The following RRBP1 variants were observed in gnomAD, a reference collection of about 807,000 sequenced individuals.
RRBP1 encodes the protein ribosome-binding protein 1.
A neutral mutation model predicts 165.2 loss-of-function variants in RRBP1; 94 were observed. The ratio of observed to expected loss-of-function variants is 0.57; its 90% CI spans 0.48 to 0.68. The LOEUF (loss-of-function observed/expected upper bound fraction) is 0.68. Ranked by LOEUF, RRBP1 falls within the 30% of genes least tolerant of loss-of-function variation. The pLI, the probability that RRBP1 is intolerant of heterozygous loss-of-function variation, is 0.00. For missense variants in RRBP1, 1,676 were observed against 1,763.0 expected (o/e 0.95, Z 0.88); for synonymous variants, 680 against 714.5 (o/e 0.95, Z 0.77).
At chr20:17,641,687 C>T (rs149853046) in intron 5 of RRBP1, 110 bp downstream of exon 5, 20 of 1,341,990 alleles carry the variant, frequency 1.5e-5, no homozygotes, top group African/African-American at 2.9e-5. Flanking sequence ...CAGCCAGCTA[C>T]GTTCCAGGCA....
In RRBP1 at chr20:17,627,353, C is replaced by G; in HGVS notation, c.2958G>C (p.Gln986His). 6.2e-7 allele frequency: 1 copy of G among 1,613,562 alleles called. No homozygotes were observed. Among genetic ancestry groups the G allele is most frequent in the African/African-American group, 1.3e-5 (1 of 75,040 alleles). The change falls in exon 11 of 25, where the codon CAG becomes CAC. Residue 986 changes from glutamine (Q) to histidine (H), a missense_variant. Coordinates refer to ENST00000377813, the MANE Select transcript of RRBP1 (RefSeq NM_001365613.2). Reference sequence around the variant, plus strand: ...AGGCTGCTTCCCCAGCTTACCGAGTCTGCTGCTGGTCAGCCTCCGCCTGGC... The same window carrying G: ...AGGCTGCTTCCCCAGCTTACCGAGTGTGCTGCTGGTCAGCCTCCGCCTGGC... ...QASQAEADQQ[Q>H]TRLKELESQV...
chr20:17,679,550 G>A (rs1056203321), intron 2 of RRBP1, among the ~76,000 whole-genome samples: 1 of 152,220 alleles, frequency 6.6e-6, no homozygotes, highest in African/African-American at 2.4e-5. Flanking sequence ...GACAAGAAGA[G>A]TCTGGGGTCC....
At chr20:17,614,649 C>CG in intron 24 of RRBP1, 88 bp downstream of exon 24, 1 of 1,535,468 alleles carries the variant, frequency 6.5e-7, no homozygotes, top group African/African-American at 1.4e-5. Context: ...CTTGACGACT[C>CG]CGCCCAGCTC....
intron 2 of RRBP1, among the ~76,000 whole-genome samples, chr20:17,678,797 AC>A (rs1402877948): frequency 6.6e-6 from 1 of 152,220 alleles, no homozygotes; most frequent in Non-Finnish European, 1.5e-5. Context: ...ACTGTATTGG[AC>A]AACACAGTTC....
Position 17,616,136 on chromosome 20 carries a change from C to T in RRBP1, c.3868-127G>A, listed in dbSNP as rs541971133. On this transcript the variant is annotated intron_variant, in intron 21 of 24. Transcript: ENST00000377813. ...CCTTTCCCTGCCCCAACGCTCCCCT[C>T]GTTGGGGAGAGGGCACCTCAGCCCC... The T allele has an allele frequency of 5.4e-4, 413 of 767,040 alleles. 2 individuals carry two copies. Among genetic ancestry groups the T allele is most frequent in the Non-Finnish European group, 8.0e-4 (390 of 484,812 alleles). 47.5% of individuals were successfully genotyped at this position (767,040 alleles called of 1,614,324 possible).
chr20:17,662,013 A>G (rs1272659455), intron 2 of RRBP1, among the ~76,000 whole-genome samples: 1 of 152,224 alleles, frequency 6.6e-6, no homozygotes, highest in African/African-American at 2.4e-5. Context: ...CTGTAATCCC[A>G]GCACTTTGGG....
At chr20:17,619,853 GC>G (rs1568753063) in intron 18 of RRBP1, 125 bp from the exon 19 acceptor site, 1 of 617,656 alleles carries the variant, frequency 1.6e-6, no homozygotes, top group Non-Finnish European at 2.8e-6. Context: ...AGGCCCACCA[GC>G]TACCAAGCAA....
chr20:17,678,203 A>G (rs1218106471), intron 2 of RRBP1, among the ~76,000 whole-genome samples: 1 of 152,228 alleles, frequency 6.6e-6, no homozygotes, highest in Non-Finnish European at 1.5e-5. Context: ...GAGGCCCCTG[A>G]ACTAATTTTC....
At chr20:17,620,091 C>G (rs1245371496) in intron 18 of RRBP1, among the ~76,000 whole-genome samples, 1 of 152,084 alleles carries the variant, frequency 6.6e-6, no homozygotes, top group African/African-American at 2.4e-5. Flanking sequence ...GCACAGGGCC[C>G]GTGGCTGGGT....
intron 9 of RRBP1, among the ~76,000 whole-genome samples, chr20:17,629,369 T>C (rs2036100790): frequency 6.6e-6 from 1 of 152,214 alleles, no homozygotes; most frequent in Admixed American, 6.5e-5. Context: ...GGCTTGTAAA[T>C]CCTGCCTGGC....
intron 11 of RRBP1, 108 bp from the exon 12 acceptor site, chr20:17,625,710 T>A: frequency 1.1e-6 from 1 of 938,094 alleles, no homozygotes; most frequent in Non-Finnish European, 1.7e-6. Context: ...CTGAACCATC[T>A]GGCCAGGGAC....
At position 17,679,619 on chromosome 20, in the gene RRBP1, G is replaced by A. The variant is rs563014174; in HGVS notation, c.-22+380C>T. 2.0e-5 allele frequency among the ~76,000 whole-genome samples: 3 copies of A among 152,264 alleles called. No individual in the cohort carries two copies. The East Asian group carries it at 5.8e-4, about 29-fold the overall frequency. The stretch of plus-strand genomic sequence containing the variant: ...AAATCAATACTCCAATTCAATCACT[G>A]GCATTCAACCATTTAAACTGAGTTT... On this transcript the variant is annotated intron_variant, in intron 2 of 24. Coordinates refer to ENST00000377813, the MANE Select transcript of RRBP1 (RefSeq NM_001365613.2).
chr20:17,667,394 A>ATC (rs1187289211), intron 2 of RRBP1, among the ~76,000 whole-genome samples: 1 of 152,184 alleles, frequency 6.6e-6, no homozygotes, highest in Admixed American at 6.5e-5. Context: ...TCCTTCCTCC[A>ATC]TCTTCCACTG....
In RRBP1 at chr20:17,621,550, G is replaced by A. The variant is rs1388919538; in HGVS notation, c.3325-3C>T. 6.2e-7 allele frequency: 1 copy of A among 1,601,842 alleles called. No homozygotes were observed. The highest frequency in any genetic ancestry group is 8.5e-7 in the Non-Finnish European group (1 of 1,170,034). On this transcript the variant is annotated splice_region_variant and splice_polypyrimidine_tract_variant and intron_variant, in intron 15 of 24. Coordinates refer to ENST00000377813, the MANE Select transcript of RRBP1 (RefSeq NM_001365613.2). ...TCCCTCAACTTGGAGGCCAGGTCCT[G>A]AGAGAGGGAAGAACAGGTGTTTAGT...
rs2036404088 is a variant in RRBP1 at position 17,643,405 on chromosome 20, CCAT to C, written c.1913-281_1913-279del. On this transcript the variant is annotated intron_variant, in intron 3 of 24. Coordinates refer to ENST00000377813, the MANE Select transcript of RRBP1 (RefSeq NM_001365613.2). This position sits in a 1 kb window ranked among gnomAD's most constrained non-coding sequence, Gnocchi z 4.3. Reference sequence around the variant, plus strand: ...TAGAGCTCCTCTTTTTTTTTTTCCACCATCAAGATGGCCTGCAACAAAATTAAG... The same window carrying C: ...TAGAGCTCCTCTTTTTTTTTTTCCACCAAGATGGCCTGCAACAAAATTAAG... Among the ~76,000 whole-genome samples, 1 of 151,742 alleles carries C rather than the reference CCAT, an allele frequency of 6.6e-6. No individual in the cohort carries two copies. Among genetic ancestry groups the C allele is most frequent in the African/African-American group, 2.4e-5 (1 of 41,328 alleles).
Position 17,635,634 on chromosome 20 carries a change from C to T in RRBP1, c.2368G>A (p.Gly790Ser). Residue 790 changes from glycine (G) to serine (S), a missense_variant, in exon 7 of 25, where the codon GGC becomes AGC. Gly to Ser is a moderately conservative substitution (Grantham distance 56). Transcript: ENST00000377813. ...IRTLQEQLEN[G>S]PNTQLARLQQ... ...AGGCGGGCCAGCTGCGTGTTGGGGC[C>T]ATTCTCCAGCTGCTCCTGAAGAGTC... 1 of 1,613,572 alleles carries T rather than the reference C, an allele frequency of 6.2e-7. No homozygotes were observed. Among genetic ancestry groups the T allele is most frequent in the Non-Finnish European group, 8.5e-7 (1 of 1,179,932 alleles).
At chr20:17,624,848 C>G (rs1438884108) in intron 12 of RRBP1, among the ~76,000 whole-genome samples, 180 bp from the exon 13 acceptor site, 1 of 152,224 alleles carries the variant, frequency 6.6e-6, no homozygotes, top group Admixed American at 6.5e-5. Context: ...AACACAAGGC[C>G]TGGGTGCCGT....
chr20:17,638,635 A>T (rs2036290684), intron 5 of RRBP1, among the ~76,000 whole-genome samples: 1 of 152,048 alleles, frequency 6.6e-6, no homozygotes, highest in African/African-American at 2.4e-5. Context: ...GAGCTCAGAG[A>T]CCCAGGGTTC....
intron 8 of RRBP1, 103 bp from the exon 9 acceptor site, chr20:17,630,064 C>T (rs1021162709): frequency 2.3e-6 from 3 of 1,296,296 alleles, no homozygotes; most frequent in South Asian, 1.4e-5. Flanking sequence ...ACCAAAGCCC[C>T]GTGCAGTCTC....
Sources: allele counts gnomAD v4.1 joint callset (sites outside exome capture counted in the v4.1 genomes callset), GRCh38; gene constraint gnomAD v4.1.1; non-coding constraint Gnocchi (gnomAD v3.1); transcripts MANE v1.5; gene names NCBI Gene and HGNC (gene_info 2026-07-23, HGNC 2026-07-21).